The following OCA2 variants were observed in gnomAD, a reference collection of about 807,000 sequenced individuals.
OCA2 encodes OCA2 melanosomal transmembrane protein.
A neutral mutation model predicts 100.2 loss-of-function variants in OCA2; 77 were observed. The ratio of observed to expected loss-of-function variants is 0.77; its 90% confidence interval spans 0.64 to 0.93. The LOEUF is 0.93. Ranked by LOEUF, OCA2 falls within the 40% of genes least tolerant of loss-of-function variation. OCA2 has a pLI of 0.00. For missense variants in OCA2, 1,062 were observed against 1,089.1 expected (o/e 0.98, Z 0.35); for synonymous variants, 432 against 439.2 (o/e 0.98, Z 0.21).
At chr15:27,810,657 GAAAAAACAAATCTGCAAGA>G (rs1372476579) in intron 23 of OCA2, among the ~76,000 whole-genome samples, 1 of 151,868 alleles carries the variant, frequency 6.6e-6, no homozygotes, top group African/African-American at 2.4e-5. Context: ...AATCCATAGG[GAAAAAACAAATCTGCAAGA>G]AAAAAACAAA....
rs941250157 is a variant in OCA2, at chr15:28,043,846, G to A, written c.228-11683C>T. Reference sequence around the variant, plus strand: ...TACTCCTCCCAAAACAAACCAGATGGGCTATGCTTTTCAAGGAAGAAAGAT... The same window carrying A: ...TACTCCTCCCAAAACAAACCAGATGAGCTATGCTTTTCAAGGAAGAAAGAT... On this transcript the variant is annotated intron_variant, in intron 2 of 23. Coordinates refer to ENST00000354638, the MANE Select transcript of OCA2 (RefSeq NM_000275.3). This position sits in a 1 kb window ranked among gnomAD's most constrained non-coding sequence, Gnocchi z 4.4. 6.6e-5 allele frequency among the ~76,000 whole-genome samples: 10 copies of A among 152,160 alleles called. No individual in the cohort carries two copies. Among genetic ancestry groups the A allele is most frequent in the African/African-American group, 2.4e-4 (10 of 41,428 alleles).
At chr15:27,939,780 C>A (rs1396153941) in intron 18 of OCA2, among the ~76,000 whole-genome samples, 1 of 152,170 alleles carries the variant, frequency 6.6e-6, no homozygotes, top group African/African-American at 2.4e-5. Context: ...AAAACACACT[C>A]AAAAATAACG....
chr15:28,096,708 T>G (rs1421374049), intron 1 of OCA2, among the ~76,000 whole-genome samples: 1 of 152,170 alleles, frequency 6.6e-6, no homozygotes, highest in African/African-American at 2.4e-5. Flanking sequence ...AAGCCAAACA[T>G]CGTGGCTTTC....
In OCA2 at chr15:27,926,063, C is replaced by G. The variant is rs1428122711; in HGVS notation, c.2079+64G>C. ...ATAGATGTAGGCTTTCTTCATTCACCAAATAAAACATGAAATACAAAAATC... is the reference window on the plus strand; with the variant it reads ...ATAGATGTAGGCTTTCTTCATTCACGAAATAAAACATGAAATACAAAAATC... On this transcript the variant is annotated intron_variant, in intron 19 of 23. Coordinates refer to ENST00000354638, the MANE Select transcript of OCA2 (RefSeq NM_000275.3). 13 of 1,573,666 alleles carry G rather than the reference C, an allele frequency of 8.3e-6. No homozygotes were observed. In the Admixed American group the frequency reaches 2.2e-4, roughly 26 times the overall value.
At position 27,791,772 on chromosome 15, in the gene OCA2, C is replaced by T. The variant is rs533326063; in HGVS notation, c.2433-36300G>A. ...CCCCAGCAGAGGGACTCTTGAGCAACGTACTAGACACACTACGGGGTTGCT... is the reference window on the plus strand; with the variant it reads ...CCCCAGCAGAGGGACTCTTGAGCAATGTACTAGACACACTACGGGGTTGCT... On this transcript the variant is annotated intron_variant, in intron 23 of 23. Transcript: ENST00000354638. Among the ~76,000 whole-genome samples, 70 of 152,238 alleles carry T rather than the reference C, an allele frequency of 4.6e-4. 1 individual carries two copies. In the Middle Eastern group the frequency reaches 0.01, roughly 22 times the overall value.
intron 9 of OCA2, among the ~76,000 whole-genome samples, chr15:28,012,969 A>G (rs546639914): frequency 3.3e-5 from 5 of 152,332 alleles, no homozygotes; most frequent in African/African-American, 1.2e-4. Flanking sequence ...TCATTACAGA[A>G]ATAGGATTTA....
At chr15:27,879,369 C>T (rs112505793) in intron 19 of OCA2, among the ~76,000 whole-genome samples, 2 of 152,008 alleles carry the variant, frequency 1.3e-5, no homozygotes, top group Non-Finnish European at 2.9e-5. Flanking sequence ...GGGTATATAC[C>T]CAGCAATGGA....
At chr15:27,862,254 C>G (rs1028565798) in intron 21 of OCA2, among the ~76,000 whole-genome samples, 2 of 151,136 alleles carry the variant, frequency 1.3e-5, no homozygotes, top group South Asian at 4.2e-4. Flanking sequence ...CGAGTCCTCA[C>G]GGACAGAAAG....
At chr15:27,720,560 A>G in the OCA2 span, among the ~76,000 whole-genome samples, 1 of 151,406 alleles carries the variant, frequency 6.6e-6, no homozygotes, top group East Asian at 1.9e-4. Context: ...ATACATATAT[A>G]TAAACATAGA....
At chr15:27,805,113 C>T (rs1459005821) in intron 23 of OCA2, among the ~76,000 whole-genome samples, 3 of 152,170 alleles carry the variant, frequency 2.0e-5, no homozygotes, top group African/African-American at 4.8e-5. Flanking sequence ...GACGGCTGGA[C>T]GCTGTGTGGG....
At chr15:27,742,170 A>T in the OCA2 span, among the ~76,000 whole-genome samples, 3 of 152,148 alleles carry the variant, frequency 2.0e-5, no homozygotes, top group African/African-American at 7.2e-5. Flanking sequence ...GCAAGGTGGG[A>T]GGAGAGAACA....
chr15:27,863,458 G>A (rs1370981664), intron 21 of OCA2, among the ~76,000 whole-genome samples: 1 of 152,172 alleles, frequency 6.6e-6, no homozygotes, highest in Non-Finnish European at 1.5e-5. Flanking sequence ...CAATGCCAAT[G>A]TGTGGAGTGG....
chr15:28,057,800 C>T (rs2043748877), intron 2 of OCA2, among the ~76,000 whole-genome samples: 1 of 144,588 alleles, frequency 6.9e-6, no homozygotes, highest in Non-Finnish European at 1.5e-5. Context: ...GGAACAACGT[C>T]ATCACAAAGA....
intron 14 of OCA2, among the ~76,000 whole-genome samples, chr15:27,969,840 T>C (rs569813031): frequency 2.9e-4 from 44 of 150,952 alleles, no homozygotes; most frequent in African/African-American, 1.1e-3. Context: ...GTCAAAATGG[T>C]CCATTAGGTT....
At chr15:27,801,550 CAAAAAAAAAA>C (rs34636608) in intron 23 of OCA2, among the ~76,000 whole-genome samples, 7 of 37,842 alleles carry the variant, frequency 1.8e-4, no homozygotes, top group South Asian at 1.1e-3. Context: ...GACTCGGTCT[CAAAAAAAAAA>C]AAAAAAAAAA....
chr15:27,773,818 A>G (rs560845859), intron 23 of OCA2, among the ~76,000 whole-genome samples: 1 of 152,222 alleles, frequency 6.6e-6, no homozygotes, highest in Admixed American at 6.5e-5. Context: ...GTCATTGACT[A>G]TTCAGGAGTT....
chr15:28,078,680 T>C (rs892011850), intron 2 of OCA2, among the ~76,000 whole-genome samples: 5 of 152,178 alleles, frequency 3.3e-5, no homozygotes, highest in Non-Finnish European at 5.9e-5. Flanking sequence ...CATGACAACT[T>C]GTCCCAGCCT....
chr15:28,044,506 AT>A (rs2043291969), intron 2 of OCA2, among the ~76,000 whole-genome samples: 1 of 152,214 alleles, frequency 6.6e-6, no homozygotes, highest in Non-Finnish European at 1.5e-5. Context: ...ACAGTGAATA[AT>A]AGCACATTTC....
chr15:27,834,342 T>C (rs1309870500), intron 23 of OCA2, among the ~76,000 whole-genome samples: 1 of 152,244 alleles, frequency 6.6e-6, no homozygotes, highest in Non-Finnish European at 1.5e-5. Flanking sequence ...CAGAAGTTCC[T>C]GCACTTGGGA....
Sources: gnomAD v4.1 joint callset for allele counts (sites outside exome capture counted in the v4.1 genomes callset) on GRCh38, gnomAD v4.1.1 for gene constraint, Gnocchi (gnomAD v3.1) non-coding constraint, MANE v1.5 for transcripts, NCBI Gene and HGNC (gene_info 2026-07-23, HGNC 2026-07-21) for gene names.